The following KLF8 variants were observed in gnomAD, a reference collection of about 807,000 sequenced individuals.
KLF8 encodes Krueppel-like factor 8.
Under a neutral mutation model 18.2 loss-of-function variants are expected in KLF8, and 10 were observed. The ratio of observed to expected loss-of-function variants is 0.55; its 90% CI spans 0.34 to 0.93. The LOEUF (loss-of-function observed/expected upper bound fraction) is 0.93, where lower values mean the gene tolerates loss of function less well. Among genes scored for constraint, KLF8 ranks in the 40% least tolerant of loss-of-function variants. KLF8 has a pLI of 0.02. For missense variants in KLF8, 264 were observed against 277.9 expected (o/e 0.95, Z 0.36); for synonymous variants, 109 against 97.3 (o/e 1.12, Z -0.71).
chrX:55,938,811 A>T, the KLF8 span, among the ~76,000 whole-genome samples: 2 of 111,898 alleles, frequency 1.8e-5, no homozygotes, highest in African/African-American at 6.5e-5. Context: ...GATCAATTCA[A>T]GAAGAAGACC....
At chrX:56,222,245 C>G in the KLF8 span, among the ~76,000 whole-genome samples, 406 of 111,500 alleles carry the variant, frequency 3.6e-3, 3 homozygotes, top group African/African-American at 0.013. Flanking sequence ...AAACCTTGAG[C>G]TAGACACAGA....
At chrX:56,138,381 T>G in the KLF8 span, among the ~76,000 whole-genome samples, 3 of 111,275 alleles carry the variant, frequency 2.7e-5, no homozygotes, top group East Asian at 8.4e-4. Context: ...AACTTCAGGC[T>G]AATATCCCTA....
rs759073766 is a variant in KLF8 at position 56,265,218 on chromosome X, A to G, written c.120A>G (p.Ile40Met). 1 of 1,207,530 alleles carries G rather than the reference A, an allele frequency of 8.3e-7. No homozygotes were observed. Among genetic ancestry groups the G allele is most frequent in the Admixed American group, 2.2e-5 (1 of 45,822 alleles). Reference protein sequence around the residue: ...ASVRNRDPPEIEYRSNMTSPT... With the variant: ...ASVRNRDPPEMEYRSNMTSPT... Reference sequence around the variant, plus strand: ...TTCGGAACAGAGATCCCCCTGAGATAGAATACAGAAGTAATATGACTTCTC... The same window carrying G: ...TTCGGAACAGAGATCCCCCTGAGATGGAATACAGAAGTAATATGACTTCTC... The change falls in exon 3 of 6, where the codon ATA becomes ATG. Residue 40 changes from isoleucine (I) to methionine (M), a missense_variant. Ile to Met is a conservative substitution (Grantham distance 10, BLOSUM62 1). Transcript: ENST00000468660.
chrX:56,272,314 G>T (rs756170892), intron 5 of KLF8, among the ~76,000 whole-genome samples: 1 of 110,786 alleles, frequency 9.0e-6, no homozygotes, highest in African/African-American at 3.3e-5. Flanking sequence ...GGGTTCAAGC[G>T]ATTCTCATGT....
chrX:56,147,179 A>G, the KLF8 span, among the ~76,000 whole-genome samples: 2 of 112,323 alleles, frequency 1.8e-5, no homozygotes, highest in Non-Finnish European at 3.8e-5. Flanking sequence ...GGAGAAACAG[A>G]CTTTCATAGG....
chrX:55,943,727 C>T, the KLF8 span, among the ~76,000 whole-genome samples: 11 of 111,999 alleles, frequency 9.8e-5, no homozygotes, highest in African/African-American at 3.2e-4. Context: ...CATCTGCTTT[C>T]ACCTTTCAGC....
chrX:56,050,245 G>C, the KLF8 span, among the ~76,000 whole-genome samples: 1 of 111,086 alleles, frequency 9.0e-6, no homozygotes, highest in African/African-American at 3.3e-5. Context: ...TTTTTTTAAG[G>C]GTTTTTTGTG....
At chrX:56,008,759 G>C in the KLF8 span, among the ~76,000 whole-genome samples, 2 of 112,259 alleles carry the variant, frequency 1.8e-5, no homozygotes, top group African/African-American at 6.5e-5. Flanking sequence ...GCTGGTGCCA[G>C]GGAGACTGGG....
intron 3 of KLF8, chrX:56,267,602 A>G (rs2066988728): frequency 9.1e-6 from 1 of 110,273 alleles, no homozygotes; most frequent in Non-Finnish European, 1.9e-5. Context: ...GGGCTTACTA[A>G]ACCTTAGGGG....
At chrX:56,048,516 A>C in the KLF8 span, among the ~76,000 whole-genome samples, 11 of 111,997 alleles carry the variant, frequency 9.8e-5, no homozygotes, top group Non-Finnish European at 3.8e-5. Flanking sequence ...ACCATTTATT[A>C]AATAAGGAAT....
the KLF8 span, among the ~76,000 whole-genome samples, chrX:56,078,666 T>C: frequency 2.7e-5 from 3 of 112,128 alleles, no homozygotes; most frequent in African/African-American, 9.7e-5. Context: ...TAAAATGAGT[T>C]AGGGAGGATT....
chrX:56,284,252 C>A (rs2067242112), intron 5 of KLF8, 61 bp from the exon 6 acceptor site: 2 of 898,600 alleles, frequency 2.2e-6, no homozygotes, highest in Admixed American at 4.2e-5. Context: ...ATTCTATTAT[C>A]TTTCTAGTAT....
the KLF8 span, among the ~76,000 whole-genome samples, chrX:56,143,532 A>G: frequency 8.9e-6 from 1 of 112,191 alleles, no homozygotes; most frequent in Non-Finnish European, 1.9e-5. Flanking sequence ...GCATTCAAAG[A>G]AGATATGATA....
At chrX:56,178,151 C>T in the KLF8 span, among the ~76,000 whole-genome samples, 1 of 112,139 alleles carries the variant, frequency 8.9e-6, no homozygotes, top group Non-Finnish European at 1.9e-5. Context: ...GAACCTGGTA[C>T]CTCAGTTGGA....
At chrX:56,252,807 C>A (rs759830065) in intron 2 of KLF8, among the ~76,000 whole-genome samples, 22 of 112,261 alleles carry the variant, frequency 2.0e-4, no homozygotes, top group South Asian at 7.4e-4. Context: ...AAATTGTTCT[C>A]CATAGTGGCT....
At chrX:56,280,601 T>C (rs888905328) in intron 5 of KLF8, among the ~76,000 whole-genome samples, 6 of 112,234 alleles carry the variant, frequency 5.3e-5, no homozygotes, top group Admixed American at 4.7e-4. Flanking sequence ...AGCCTTTTTA[T>C]TCATAATGGC....
chrX:56,122,854 G>T, the KLF8 span, among the ~76,000 whole-genome samples: 1 of 111,065 alleles, frequency 9.0e-6, no homozygotes, highest in Non-Finnish European at 1.9e-5. Flanking sequence ...CTCCCAAATT[G>T]CTGGGACTAC....
chrX:56,088,486 G>A, the KLF8 span, among the ~76,000 whole-genome samples: 2 of 111,501 alleles, frequency 1.8e-5, no homozygotes, highest in Non-Finnish European at 3.8e-5. Context: ...AGGATAGTAA[G>A]GATATATGTG....
the KLF8 span, among the ~76,000 whole-genome samples, chrX:55,986,322 C>T: frequency 8.9e-6 from 1 of 111,916 alleles, no homozygotes; most frequent in Admixed American, 9.5e-5. Context: ...TCAAAACCTA[C>T]TTTATTGAGA....
Sources: allele counts gnomAD v4.1 joint callset (sites outside exome capture counted in the v4.1 genomes callset), GRCh38; gene constraint gnomAD v4.1.1; transcripts MANE v1.5; gene names NCBI Gene and HGNC (gene_info 2026-07-23, HGNC 2026-07-21).